The following SLC44A5 variants were observed in gnomAD, a reference collection of about 807,000 sequenced individuals.
SLC44A5 encodes the protein choline transporter-like protein 5.
Under a neutral mutation model 101.8 loss-of-function variants are expected in SLC44A5, and 57 were observed. The ratio of observed to expected loss-of-function variants is 0.56; its 90% confidence interval spans 0.45 to 0.70. The LOEUF is 0.70. SLC44A5 is among the 30% of genes least tolerant of loss of function. SLC44A5 has a pLI of 0.00. For synonymous variants in SLC44A5, 281 were observed against 290.9 expected, an observed-to-expected ratio of 0.97 and a Z score of 0.35; for missense variants, 737 against 853.1, an observed-to-expected ratio of 0.86 and a Z score of 1.70.
chr1:75,557,693 G>C (rs1488390653), intron 1 of SLC44A5, among the ~76,000 whole-genome samples: 1 of 152,092 alleles, frequency 6.6e-6, no homozygotes, highest in Non-Finnish European at 1.5e-5. Flanking sequence ...TTTCCACTAT[G>C]AGATTAAGCC....
At chr1:75,239,401 AT>A (rs201440554) in intron 9 of SLC44A5, among the ~76,000 whole-genome samples, 39 of 151,506 alleles carry the variant, frequency 2.6e-4, no homozygotes, top group African/African-American at 4.1e-4. Flanking sequence ...TCATTTTCAT[AT>A]TTTTTTTTCT....
chr1:75,502,729 A>T (rs927196216), intron 2 of SLC44A5, among the ~76,000 whole-genome samples: 3 of 126,886 alleles, frequency 2.4e-5, no homozygotes, highest in Non-Finnish European at 4.8e-5. Context: ...AACAGTACCC[A>T]CTTTCTTAAA....
At chr1:75,341,551 A>AGAAG (rs984234451) in intron 3 of SLC44A5, among the ~76,000 whole-genome samples, 7 of 152,026 alleles carry the variant, frequency 4.6e-5, no homozygotes, top group African/African-American at 1.7e-4. Flanking sequence ...ACGAGAGAGA[A>AGAAG]GAAGGAAGGA....
At chr1:75,231,975 A>C (rs1570422767) in intron 12 of SLC44A5, among the ~76,000 whole-genome samples, 1 of 152,212 alleles carries the variant, frequency 6.6e-6, no homozygotes, top group Non-Finnish European at 1.5e-5. Flanking sequence ...GGCTGCTGTC[A>C]GTAGGAAATT....
chr1:75,411,119 A>G (rs561716050), intron 2 of SLC44A5, among the ~76,000 whole-genome samples: 5 of 152,288 alleles, frequency 3.3e-5, no homozygotes, highest in African/African-American at 1.2e-4. Flanking sequence ...TGCTAGAAAC[A>G]TAGTCGATGT....
intron 1 of SLC44A5, among the ~76,000 whole-genome samples, chr1:75,573,156 G>C (rs967082116): frequency 8.9e-6 from 1 of 112,754 alleles, no homozygotes; most frequent in Non-Finnish European, 1.7e-5. Context: ...AAAAAAAAAG[G>C]AAATAGTATA....
intron 2 of SLC44A5, among the ~76,000 whole-genome samples, chr1:75,425,777 G>A (rs1322056585): frequency 2.0e-5 from 3 of 152,054 alleles, no homozygotes; most frequent in Admixed American, 6.6e-5. Flanking sequence ...CAGAACTCAC[G>A]GTTCTACCAA....
chr1:75,400,128 A>G (rs535271929), intron 2 of SLC44A5, among the ~76,000 whole-genome samples: 20 of 152,328 alleles, frequency 1.3e-4, no homozygotes, highest in African/African-American at 4.8e-4. Context: ...TGGGAGCTAA[A>G]CCAAGGGAAT....
chr1:75,537,835 C>T (rs1044797030), intron 2 of SLC44A5, among the ~76,000 whole-genome samples: 1 of 151,934 alleles, frequency 6.6e-6, no homozygotes, highest in Admixed American at 6.6e-5. Flanking sequence ...TTTCTGGATG[C>T]GTTTTAGGAT....
intron 2 of SLC44A5, among the ~76,000 whole-genome samples, chr1:75,450,016 C>T (rs765682689): frequency 1.1e-4 from 16 of 151,886 alleles, no homozygotes; most frequent in Non-Finnish European, 1.9e-4. Context: ...AAAAATTAAT[C>T]GCAGGATAAT....
rs1220736623 is a variant in SLC44A5, at chr1:75,563,284, A to G, written c.-69-21768T>C. Among the ~76,000 whole-genome samples, 13 of 152,264 alleles carry G rather than the reference A, an allele frequency of 8.5e-5. No individual in the cohort carries two copies. In the South Asian group the frequency reaches 2.3e-3, roughly 27 times the overall value. On this transcript the variant is annotated intron_variant, in intron 1 of 23. Coordinates refer to ENST00000370859, the MANE Select transcript of SLC44A5 (RefSeq NM_001130058.2). ...TTAACAGCTCAGGACCCATTTCCTT[A>G]CTAGCATATTAACACTGAAGAAAAG...
chr1:75,603,452 A>G (rs1163348449), intron 1 of SLC44A5, among the ~76,000 whole-genome samples: 1 of 150,880 alleles, frequency 6.6e-6, no homozygotes, highest in Non-Finnish European at 1.5e-5. Flanking sequence ...ATGCGGGTGC[A>G]TGTGTCTTTC....
At chr1:75,371,319 G>T (rs1352325325) in intron 3 of SLC44A5, among the ~76,000 whole-genome samples, 1 of 152,186 alleles carries the variant, frequency 6.6e-6, no homozygotes, top group Admixed American at 6.5e-5. Flanking sequence ...ACTTCTCTAT[G>T]CCTCAGTTTC....
At chr1:75,292,684 C>G (rs619696) in intron 5 of SLC44A5, among the ~76,000 whole-genome samples, 106,568 of 151,998 alleles carry the variant, frequency 0.7, 37,974 homozygotes, top group East Asian at 0.96. Flanking sequence ...CAGAAGAATA[C>G]CTGCCTTTCA....
chr1:75,427,876 T>C (rs1283960160), intron 2 of SLC44A5, among the ~76,000 whole-genome samples: 1 of 152,060 alleles, frequency 6.6e-6, no homozygotes, highest in Non-Finnish European at 1.5e-5. Context: ...GTCATGTGTA[T>C]GATTAGTCAA....
At chr1:75,386,845 C>G (rs1300407407) in intron 3 of SLC44A5, among the ~76,000 whole-genome samples, 1 of 152,118 alleles carries the variant, frequency 6.6e-6, no homozygotes, top group Admixed American at 6.6e-5. Context: ...CAGCATGGTA[C>G]TGGTACCAAA....
intron 3 of SLC44A5, among the ~76,000 whole-genome samples, chr1:75,388,715 C>A (rs963032472): frequency 3.3e-5 from 5 of 151,482 alleles, no homozygotes. Flanking sequence ...GGAGGCAGAG[C>A]TTGCAGTGAG....
intron 2 of SLC44A5, among the ~76,000 whole-genome samples, chr1:75,408,981 A>G (rs1225878637): frequency 6.6e-6 from 1 of 152,200 alleles, no homozygotes; most frequent in Admixed American, 6.6e-5. Flanking sequence ...TAGGGGGATG[A>G]AAATAAAAGG....
intron 2 of SLC44A5, among the ~76,000 whole-genome samples, chr1:75,474,140 T>C (rs1234403284): frequency 6.6e-6 from 1 of 152,182 alleles, no homozygotes; most frequent in Non-Finnish European, 1.5e-5. Context: ...CATTCTAAGA[T>C]TCAAGGCAGG....
Sources: allele counts gnomAD v4.1 joint callset (sites outside exome capture counted in the v4.1 genomes callset), GRCh38; gene constraint gnomAD v4.1.1; transcripts MANE v1.5; gene names NCBI Gene and HGNC (gene_info 2026-07-23, HGNC 2026-07-21).